Variants in HSD17B4 observed in about 807,000 individuals in gnomAD.
HSD17B4 encodes peroxisomal multifunctional enzyme type 2.
In HSD17B4, 70 loss-of-function variants were observed where a neutral mutation model predicts 101.0. That is an observed-to-expected ratio of 0.69 (90% confidence interval 0.57 to 0.85). HSD17B4 has a LOEUF of 0.85. Among genes scored for constraint, HSD17B4 ranks in the 40% least tolerant of loss-of-function variants. HSD17B4 has a pLI of 0.00. For missense variants in HSD17B4, 984 were observed against 892.4 expected, an observed-to-expected ratio of 1.10 and a Z score of -1.31; for synonymous variants, 347 against 297.1, an observed-to-expected ratio of 1.17 and a Z score of -1.73.
intron 17 of HSD17B4, among the ~76,000 whole-genome samples, chr5:119,522,624 A>ACATG (rs1753220087): frequency 6.6e-6 from 1 of 152,144 alleles, no homozygotes; most frequent in African/African-American, 2.4e-5. Context: ...CTGTGTAGCA[A>ACATG]CATGCAATTT....
intron 23 of HSD17B4, among the ~76,000 whole-genome samples, chr5:119,540,985 TCA>T (rs1754942184): frequency 6.6e-6 from 1 of 152,250 alleles, no homozygotes; most frequent in Admixed American, 6.5e-5. Flanking sequence ...TTTGTAATGC[TCA>T]GTGTATGTAG....
chr5:119,536,347 A>G (rs1754532468), intron 22 of HSD17B4, 76 bp from the exon 23 acceptor site: 2 of 1,300,984 alleles, frequency 1.5e-6, no homozygotes, highest in East Asian at 2.3e-5. Flanking sequence ...AAATGTCTGC[A>G]TTTTACTTGG....
chr5:119,492,873 G>T (rs1461917356), intron 10 of HSD17B4: 1 of 152,002 alleles, frequency 6.6e-6, no homozygotes, highest in African/African-American at 2.4e-5. Flanking sequence ...CTTATATTTA[G>T]TTGGCTATGG....
At chr5:119,501,201 C>T (rs1433376273) in intron 13 of HSD17B4, among the ~76,000 whole-genome samples, 2 of 152,066 alleles carry the variant, frequency 1.3e-5, no homozygotes, top group African/African-American at 2.4e-5. Context: ...GGTGTTCATG[C>T]ATCTTGGAAC....
rs139500402 is a variant in HSD17B4 at position 119,506,818 on chromosome 5, G to A, written c.1262G>A (p.Gly421Glu). 21 of 1,557,260 alleles carry A rather than the reference G, an allele frequency of 1.3e-5. No individual in the cohort carries two copies. In the African/African-American group the frequency reaches 2.6e-4, roughly 19 times the overall value. ...GTATTTCTTTTACTTTTCTTTCTAG[G>A]AAAATTAAAATGTGAAGCAGTTGTT... ...LELYKPLPRA[G>E]KLKCEAVVAD... is the part of the protein sequence containing the mutation. The change falls in exon 15 of 24, where the codon GGA becomes GAA. Residue 421 changes from glycine (G) to glutamate (E), a missense_variant and splice_region_variant. Coordinates refer to ENST00000510025, the MANE Select transcript of HSD17B4 (RefSeq NM_000414.4).
chr5:119,466,647 T>C (rs1213675443), intron 2 of HSD17B4, among the ~76,000 whole-genome samples: 1 of 152,136 alleles, frequency 6.6e-6, no homozygotes, highest in East Asian at 1.9e-4. Flanking sequence ...TAAATGCCTT[T>C]TTTTCATTTC....
Position 119,452,732 on chromosome 5 carries a change from C to T in HSD17B4, c.58+99C>T, listed in dbSNP as rs779180265. ...CGCGCAGCCGCAGCTGAGGTCACCCCGCTGAGGTGGTGGGGAGGGGAATGG... is the reference window on the plus strand; with the variant it reads ...CGCGCAGCCGCAGCTGAGGTCACCCTGCTGAGGTGGTGGGGAGGGGAATGG... On this transcript the variant is annotated intron_variant, in intron 1 of 23. Coordinates refer to ENST00000510025, the MANE Select transcript of HSD17B4 (RefSeq NM_000414.4). The T allele has an allele frequency of 1.1e-5, 18 of 1,602,238 alleles. No individual in the cohort carries two copies. The South Asian group carries it at 1.2e-4, about 11-fold the overall frequency.
At chr5:119,494,841 C>T (rs1246344605) in intron 11 of HSD17B4, among the ~76,000 whole-genome samples, 1 of 152,016 alleles carries the variant, frequency 6.6e-6, no homozygotes, top group Non-Finnish European at 1.5e-5. Flanking sequence ...CTGTTACATA[C>T]CACAGAAATA....
At chr5:119,475,902 A>G (rs1748537086) in intron 6 of HSD17B4, 32 bp downstream of exon 6, 2 of 1,461,346 alleles carry the variant, frequency 1.4e-6, no homozygotes, top group Non-Finnish European at 1.9e-6. Context: ...TCTGGGGAAC[A>G]TACTTATCCA....
intron 10 of HSD17B4, chr5:119,493,053 G>A (rs1015315444): frequency 5.9e-5 from 9 of 152,098 alleles, no homozygotes; most frequent in African/African-American, 2.2e-4. Context: ...TTTAAAAAAG[G>A]AACATAAGGT....
At chr5:119,539,236 C>T (rs1053246575) in intron 23 of HSD17B4, among the ~76,000 whole-genome samples, 11 of 152,112 alleles carry the variant, frequency 7.2e-5, no homozygotes, top group African/African-American at 2.7e-4. Context: ...CACATACACA[C>T]CATAGAATAC....
rs1201128594 is a variant in HSD17B4, at chr5:119,541,907, A to G, written c.2124A>G (p.Ala708=). The G allele has an allele frequency of 6.9e-6, 11 of 1,605,160 alleles. No individual in the cohort carries two copies. Among genetic ancestry groups the G allele is most frequent in the Non-Finnish European group, 9.4e-6 (11 of 1,172,408 alleles). The change falls in exon 24 of 24, where the codon GCA becomes GCG. Residue 708 remains alanine, a splice_region_variant and synonymous_variant. Coordinates refer to ENST00000510025, the MANE Select transcript of HSD17B4 (RefSeq NM_000414.4). ...CTTTTTCCCTCCTCTCCTTGCAGGC[A>G]TTCTTTAGTGGCAGGCTGAAGGCCA... ...VVLGKLDPQK[A]FFSGRLKARG...
chr5:119,470,871 G>A (rs1020763320), intron 2 of HSD17B4, among the ~76,000 whole-genome samples: 2 of 152,196 alleles, frequency 1.3e-5, no homozygotes, highest in African/African-American at 4.8e-5. Flanking sequence ...TGGTGATAAT[G>A]GGATTGCTGA....
chr5:119,500,876 C>A (rs1025021635), intron 13 of HSD17B4, among the ~76,000 whole-genome samples: 23 of 152,174 alleles, frequency 1.5e-4, no homozygotes, highest in Non-Finnish European at 8.8e-5. Context: ...TATTTTATTT[C>A]TTGGAGTAAG....
At chr5:119,515,657 G>C (rs1752543584) in intron 17 of HSD17B4, among the ~76,000 whole-genome samples, 1 of 152,172 alleles carries the variant, frequency 6.6e-6, no homozygotes, top group South Asian at 2.1e-4. Context: ...ATAAAAGTGA[G>C]AAAAGCAAGT....
rs528982990 is a variant in HSD17B4, at chr5:119,460,892, G to A, written c.112+4524G>A. 1.6e-4 allele frequency among the ~76,000 whole-genome samples: 24 copies of A among 152,276 alleles called. No homozygotes were observed. The South Asian group carries it at 4.4e-3, about 28-fold the overall frequency. On this transcript the variant is annotated intron_variant, in intron 2 of 23. Transcript: ENST00000510025. Reference sequence around the variant, plus strand: ...GTGCGCCTTGAGGAGATCTGCTGTCGCGGCATCCCTGGCAGAAGAAGCAGC... The same window carrying A: ...GTGCGCCTTGAGGAGATCTGCTGTCACGGCATCCCTGGCAGAAGAAGCAGC...
intron 7 of HSD17B4, chr5:119,477,784 T>G: frequency 2.6e-6 from 1 of 385,070 alleles, no homozygotes; most frequent in South Asian, 2.5e-5. Context: ...AGACATAGTT[T>G]CATTCTTGTC....
chr5:119,537,122 G>T (rs183381869), intron 23 of HSD17B4, among the ~76,000 whole-genome samples: 56 of 152,162 alleles, frequency 3.7e-4, no homozygotes, highest in African/African-American at 1.2e-3. Context: ...GAAATTCCAA[G>T]GGAACTAACT....
intron 1 of HSD17B4, among the ~76,000 whole-genome samples, chr5:119,453,735 T>C (rs906906460): frequency 6.6e-6 from 1 of 152,252 alleles, no homozygotes; most frequent in African/African-American, 2.4e-5. Flanking sequence ...AATAGCCAAG[T>C]ATTTTATACC....
Sources: allele counts gnomAD v4.1 joint callset (sites outside exome capture counted in the v4.1 genomes callset), GRCh38; gene constraint gnomAD v4.1.1; transcripts MANE v1.5; gene names NCBI Gene and HGNC (gene_info 2026-07-23, HGNC 2026-07-21).